MYO3B: variants seen among roughly 807,000 people sequenced by gnomAD.
The protein encoded by MYO3B is myosin IIIB.
Under a neutral mutation model 174.6 loss-of-function variants are expected in MYO3B, and 156 were observed. The ratio of observed to expected loss-of-function variants is 0.89; its 90% CI spans 0.78 to 1.02. The LOEUF (loss-of-function observed/expected upper bound fraction) is 1.02. Among genes scored for constraint, MYO3B ranks in the 50% least tolerant of loss-of-function variants. The probability of loss-of-function intolerance (pLI) is 0.00; values close to 1 mark genes in which losing one functional copy is unlikely to be tolerated. For missense variants in MYO3B, 1,632 were observed against 1,639.4 expected, an observed-to-expected ratio of 1.00 and a Z score of 0.08; for synonymous variants, 563 against 569.1, an observed-to-expected ratio of 0.99 and a Z score of 0.15.
intron 23 of MYO3B, among the ~76,000 whole-genome samples, chr2:170,460,550 T>C (rs1267541301): frequency 6.8e-6 from 1 of 146,542 alleles, no homozygotes; most frequent in East Asian, 2.1e-4. Context: ...ACTAAGTATG[T>C]AGGTGGTGAA....
intron 32 of MYO3B, among the ~76,000 whole-genome samples, chr2:170,615,784 T>A (rs1487519734): frequency 5.3e-5 from 8 of 152,172 alleles, no homozygotes; most frequent in Non-Finnish European, 1.0e-4. Flanking sequence ...GGGGGTTCAC[T>A]GCCTTCCGGT....
intron 12 of MYO3B, among the ~76,000 whole-genome samples, chr2:170,384,510 A>G (rs1413310853): frequency 2.6e-5 from 4 of 152,152 alleles, no homozygotes; most frequent in Non-Finnish European, 4.4e-5. Flanking sequence ...ATTTCCTAAG[A>G]TCTGGAAAAG....
At chr2:170,290,047 G>T (rs1330325004) in intron 7 of MYO3B, among the ~76,000 whole-genome samples, 1 of 151,928 alleles carries the variant, frequency 6.6e-6, no homozygotes, top group Non-Finnish European at 1.5e-5. Context: ...ATTCCATTGT[G>T]ATCCATTGTG....
chr2:170,492,257 T>C (rs533802806), intron 25 of MYO3B, among the ~76,000 whole-genome samples: 1 of 152,344 alleles, frequency 6.6e-6, no homozygotes, highest in East Asian at 1.9e-4. Flanking sequence ...TCCTCTCAGA[T>C]GGTTCTTTCC....
chr2:170,333,282 C>T (rs1421272368), intron 7 of MYO3B, among the ~76,000 whole-genome samples: 3 of 152,090 alleles, frequency 2.0e-5, no homozygotes, highest in Non-Finnish European at 2.9e-5. Flanking sequence ...CTCAGTCAAA[C>T]TAGGACTGAA....
rs146640822 is a variant in MYO3B, at chr2:170,325,638, G to A, written c.750-9747G>A. 1.1e-3 allele frequency among the ~76,000 whole-genome samples: 163 copies of A among 152,268 alleles called. No individual in the cohort carries two copies. In the East Asian group the frequency reaches 0.019, roughly 18 times the overall value. On this transcript the variant is annotated intron_variant, in intron 7 of 34. Transcript: ENST00000408978. ...TGTATGCAGATGGTGAGTTTGGGGA[G>A]GAACTGGTCGTGCATGGTCCTGCTC...
At chr2:170,326,022 T>C (rs2093864228) in intron 7 of MYO3B, among the ~76,000 whole-genome samples, 1 of 152,158 alleles carries the variant, frequency 6.6e-6, no homozygotes, top group Non-Finnish European at 1.5e-5. Context: ...TAAAATAACT[T>C]GCCACCAGAA....
intron 7 of MYO3B, among the ~76,000 whole-genome samples, chr2:170,312,008 T>C (rs2093743325): frequency 6.6e-6 from 1 of 152,262 alleles, no homozygotes; most frequent in Admixed American, 6.5e-5. Flanking sequence ...TGTTGCTTTG[T>C]AGTAGGTGTT....
chr2:170,201,454 A>G (rs1460290041), intron 3 of MYO3B, among the ~76,000 whole-genome samples: 2 of 152,040 alleles, frequency 1.3e-5, no homozygotes, highest in African/African-American at 2.4e-5. Flanking sequence ...TCTTGTCCAC[A>G]TGTTTCTGGC....
At chr2:170,300,289 T>G (rs1046964475) in intron 7 of MYO3B, among the ~76,000 whole-genome samples, 1 of 152,136 alleles carries the variant, frequency 6.6e-6, no homozygotes, top group Non-Finnish European at 1.5e-5. Flanking sequence ...TCTTTTTCCC[T>G]GCTACAATGA....
chr2:170,466,946 G>A (rs892300231), intron 25 of MYO3B, among the ~76,000 whole-genome samples: 1 of 151,996 alleles, frequency 6.6e-6, no homozygotes, highest in East Asian at 1.9e-4. Flanking sequence ...TTCCATATAC[G>A]TTTATATGTT....
chr2:170,465,109 G>A (rs536119828), intron 24 of MYO3B, among the ~76,000 whole-genome samples: 1 of 152,036 alleles, frequency 6.6e-6, no homozygotes, highest in East Asian at 1.9e-4. Context: ...CTGACCTTAG[G>A]TAATCCACCC....
At chr2:170,523,958 C>T (rs913099535) in intron 30 of MYO3B, among the ~76,000 whole-genome samples, 13 of 152,142 alleles carry the variant, frequency 8.5e-5, no homozygotes, top group African/African-American at 3.1e-4. Context: ...GGGAAGCAAC[C>T]AACAAGGTCT....
chr2:170,581,541 A>G (rs1003858860), intron 32 of MYO3B, among the ~76,000 whole-genome samples: 1 of 152,124 alleles, frequency 6.6e-6, no homozygotes, highest in Admixed American at 6.5e-5. Flanking sequence ...CCACAAACTT[A>G]TAAAGATATT....
chr2:170,334,687 C>G (rs1043729145), intron 7 of MYO3B: 2 of 152,152 alleles, frequency 1.3e-5, no homozygotes, highest in African/African-American at 2.4e-5. Flanking sequence ...AATCAGGGCT[C>G]TTACCCCATC....
At chr2:170,204,385 T>C (rs1172054033) in intron 3 of MYO3B, among the ~76,000 whole-genome samples, 1 of 152,226 alleles carries the variant, frequency 6.6e-6, no homozygotes, top group Admixed American at 6.5e-5. Flanking sequence ...AAACTGACTA[T>C]GTCAAAGCAG....
At chr2:170,293,597 C>A (rs2105424366) in intron 7 of MYO3B, among the ~76,000 whole-genome samples, 1 of 152,150 alleles carries the variant, frequency 6.6e-6, no homozygotes, top group East Asian at 1.9e-4. Context: ...CCTTTTCAGT[C>A]TTCCAGCCAA....
At chr2:170,546,284 C>G (rs898844757) in intron 32 of MYO3B, among the ~76,000 whole-genome samples, 3 of 152,174 alleles carry the variant, frequency 2.0e-5, no homozygotes, top group Admixed American at 6.5e-5. Context: ...AGAATCATGT[C>G]TTCCCATTTA....
At chr2:170,331,558 C>T (rs982454439) in intron 7 of MYO3B, among the ~76,000 whole-genome samples, 2 of 152,002 alleles carry the variant, frequency 1.3e-5, no homozygotes, top group African/African-American at 4.8e-5. Context: ...CAAATCACCA[C>T]AAACTTAGAG....
Sources: gnomAD v4.1 joint callset for allele counts (sites outside exome capture counted in the v4.1 genomes callset) on GRCh38, gnomAD v4.1.1 for gene constraint, MANE v1.5 for transcripts, NCBI Gene and HGNC (gene_info 2026-07-23, HGNC 2026-07-21) for gene names.